Variants in CSMD1 observed in about 807,000 individuals in gnomAD.
CSMD1 encodes the protein CUB and Sushi multiple domains 1.
A neutral mutation model predicts 417.5 loss-of-function variants in CSMD1; 213 were observed. The observed-to-expected ratio is 0.51, with a 90% CI of 0.46 to 0.57. The LOEUF is 0.57. Ranked by LOEUF, CSMD1 falls within the 20% of genes least tolerant of loss-of-function variation. The probability of loss-of-function intolerance (pLI) is 0.00; values close to 1 mark genes in which losing one functional copy is unlikely to be tolerated. For missense variants in CSMD1, 6,923 were observed against 4,529.7 expected (o/e 1.53, Z -15.17); for synonymous variants, 2,862 against 1,736.8 (o/e 1.65, Z -16.11).
chr8:3,830,264 C>T (rs943707785), intron 5 of CSMD1, among the ~76,000 whole-genome samples: 13 of 152,180 alleles, frequency 8.5e-5, no homozygotes, highest in Non-Finnish European at 5.9e-5. Context: ...AAAATCAGCA[C>T]AGTTAGTCAC....
intron 3 of CSMD1, among the ~76,000 whole-genome samples, chr8:4,296,028 G>T (rs963544255): frequency 4.6e-5 from 7 of 151,830 alleles, no homozygotes; most frequent in African/African-American, 1.7e-4. Flanking sequence ...TCTTAAAAAT[G>T]AAACTGTCTA....
intron 5 of CSMD1, among the ~76,000 whole-genome samples, chr8:3,816,210 C>T (rs1801357075): frequency 6.6e-6 from 1 of 152,288 alleles, no homozygotes; most frequent in East Asian, 1.9e-4. Flanking sequence ...CACGACTTTT[C>T]AGACAGAAGG....
intron 7 of CSMD1, among the ~76,000 whole-genome samples, chr8:3,666,618 G>A (rs781617596): frequency 7.2e-5 from 11 of 152,042 alleles, no homozygotes; most frequent in Non-Finnish European, 1.3e-4. Context: ...GTTGTGAGAG[G>A]GACCCAGAGG....
chr8:4,504,020 T>C (rs992476916), intron 2 of CSMD1, among the ~76,000 whole-genome samples: 1 of 151,368 alleles, frequency 6.6e-6, no homozygotes, highest in Non-Finnish European at 1.5e-5. Context: ...AAAGAGGTTA[T>C]CTGTGTTCTC....
chr8:3,463,557 G>C (rs934532293), intron 12 of CSMD1, among the ~76,000 whole-genome samples: 7 of 152,164 alleles, frequency 4.6e-5, no homozygotes, highest in African/African-American at 1.7e-4. Context: ...ACTATGAATA[G>C]CGTATTGGCT....
intron 2 of CSMD1, among the ~76,000 whole-genome samples, chr8:4,486,180 CATATATATATATAT>C (rs559383827): frequency 2.3e-4 from 4 of 17,612 alleles, no homozygotes; most frequent in African/African-American, 9.0e-4. Flanking sequence ...TATATACATA[CATATATATATATAT>C]ATATACATAC....
intron 10 of CSMD1, among the ~76,000 whole-genome samples, chr8:3,569,644 T>G (rs1310226775): frequency 1.3e-5 from 2 of 152,336 alleles, no homozygotes; most frequent in East Asian, 1.9e-4. Context: ...ACTGTTTCTC[T>G]TTTCTCTTAT....
chr8:4,367,133 G>C (rs1008246022), intron 3 of CSMD1, among the ~76,000 whole-genome samples: 1 of 152,102 alleles, frequency 6.6e-6, no homozygotes, highest in Non-Finnish European at 1.5e-5. Context: ...CCAATGTTCA[G>C]AATGGTATTT....
In CSMD1 at chr8:3,772,563, ATATATACATATATACACATATATT is replaced by A. The variant is rs1293565708; in HGVS notation, c.819-18545_819-18522del. On this transcript the variant is annotated intron_variant, in intron 5 of 69. Transcript: ENST00000635120. ...TATACACATATATACATATATACAT[ATATATACATATATACACATATATT>A]TATATACATATATACACATATATTT... 1.2e-3 allele frequency among the ~76,000 whole-genome samples: 152 copies of A among 123,228 alleles called. 5 individuals carry two copies. Among genetic ancestry groups the A allele is most frequent in the South Asian group, 6.7e-3 (27 of 4,036 alleles). 80.8% of individuals were successfully genotyped at this position (123,228 alleles called of 152,430 possible).
intron 7 of CSMD1, among the ~76,000 whole-genome samples, chr8:3,633,055 C>A (rs1796861651): frequency 6.6e-6 from 1 of 152,190 alleles, no homozygotes; most frequent in East Asian, 1.9e-4. Flanking sequence ...TTAGAGTCTG[C>A]CCTGTTGACT....
intron 3 of CSMD1, among the ~76,000 whole-genome samples, chr8:4,142,996 A>G (rs1387308820): frequency 7.5e-6 from 1 of 134,102 alleles, no homozygotes; most frequent in Non-Finnish European, 1.7e-5. Context: ...TGATTGAAAA[A>G]AAAAAAATGC....
At chr8:4,571,618 G>A (rs1290437426) in intron 2 of CSMD1, among the ~76,000 whole-genome samples, 3 of 152,190 alleles carry the variant, frequency 2.0e-5, no homozygotes, top group African/African-American at 4.8e-5. Flanking sequence ...TGTGAACTCT[G>A]TTAATTTCGG....
intron 4 of CSMD1, among the ~76,000 whole-genome samples, chr8:4,022,392 G>A (rs995522048): frequency 2.0e-5 from 3 of 152,004 alleles, no homozygotes; most frequent in African/African-American, 7.3e-5. Flanking sequence ...AATTATGGGA[G>A]GACATATTTT....
intron 7 of CSMD1, among the ~76,000 whole-genome samples, chr8:3,637,035 C>A (rs571888359): frequency 2.6e-5 from 4 of 152,110 alleles, no homozygotes; most frequent in East Asian, 3.9e-4. Context: ...AATAACGATG[C>A]AGAAAGAAAA....
chr8:4,054,540 C>A (rs922625635), intron 3 of CSMD1, among the ~76,000 whole-genome samples: 2 of 151,886 alleles, frequency 1.3e-5, no homozygotes, highest in African/African-American at 2.4e-5. Flanking sequence ...ATCAAACATG[C>A]CTGAGATGTC....
chr8:3,008,392 T>C (rs74402771), intron 52 of CSMD1, among the ~76,000 whole-genome samples: 3,135 of 152,294 alleles, frequency 0.021, 99 homozygotes, highest in African/African-American at 0.07. Context: ...CAGGGGAGGC[T>C]GCACACCTGC....
rs1563390100 is a variant in CSMD1 at position 3,439,143 on chromosome 8, AAAAAAAAAACC to A, written c.1562-29549_1562-29539del. 3.8e-5 allele frequency among the ~76,000 whole-genome samples: 5 copies of A among 131,082 alleles called. 1 individual carries two copies. The highest frequency in any genetic ancestry group is 6.3e-5 in the African/African-American group (2 of 31,540). 86.0% of individuals were successfully genotyped at this position (131,082 alleles called of 152,430 possible). The stretch of plus-strand genomic sequence containing the variant: ...ATCTCAAAAAAAAAAAAAAAAAAAA[AAAAAAAAAACC>A]AAGAAAAAAAAAAGAAAAAGAAAAA... On this transcript the variant is annotated intron_variant, in intron 12 of 69. Transcript: ENST00000635120.
chr8:3,658,691 G>A (rs1393289502), intron 7 of CSMD1, among the ~76,000 whole-genome samples: 1 of 151,944 alleles, frequency 6.6e-6, no homozygotes, highest in Non-Finnish European at 1.5e-5. Context: ...GCTGAGGCAG[G>A]GGAAACACTT....
chr8:4,909,915 G>A (rs1021212329), intron 1 of CSMD1, among the ~76,000 whole-genome samples: 6 of 152,162 alleles, frequency 3.9e-5, no homozygotes, highest in African/African-American at 1.4e-4. Context: ...ATGAGGATGG[G>A]AGTGAGCCCT....
Sources: gnomAD v4.1 joint callset for allele counts (sites outside exome capture counted in the v4.1 genomes callset) on GRCh38, gnomAD v4.1.1 for gene constraint, MANE v1.5 for transcripts, NCBI Gene and HGNC (gene_info 2026-07-23, HGNC 2026-07-21) for gene names.